ZNF791: variants seen among roughly 807,000 people sequenced by gnomAD.
ZNF791 encodes zinc finger protein 791.
ZNF791 carries 4 observed loss-of-function variants against 11.5 expected under a neutral mutation model. That is an observed-to-expected ratio of 0.35 (90% CI 0.17 to 0.80). The LOEUF (loss-of-function observed/expected upper bound fraction) is 0.80. Among genes scored for constraint, ZNF791 ranks in the 30% least tolerant of loss-of-function variants. The probability of loss-of-function intolerance (pLI) is 0.53; values close to 1 mark genes in which losing one functional copy is unlikely to be tolerated. For synonymous variants in ZNF791, 212 were observed against 228.1 expected, an observed-to-expected ratio of 0.93 and a Z score of 0.64; for missense variants, 559 against 699.4, an observed-to-expected ratio of 0.80 and a Z score of 2.26.
Position 12,628,645 on chromosome 19 carries a change from A to G in ZNF791, c.1116A>G (p.Arg372=). The change falls in exon 4 of 4, where the codon CGA becomes CGG. Residue 372 remains arginine, a synonymous_variant. Coordinates refer to ENST00000343325, the MANE Select transcript of ZNF791 (RefSeq NM_153358.3). ...CCTTTAGTAGAATCAGTTACTTTCGAATACATGAAAGGACTCACACTGGAG... is the reference window on the plus strand; with the variant it reads ...CCTTTAGTAGAATCAGTTACTTTCGGATACATGAAAGGACTCACACTGGAG... The part of the protein sequence containing the change: ...GKAFSRISYF[R]IHERTHTGEK... 6.2e-7 allele frequency: 1 copy of G among 1,605,730 alleles called. No individual in the cohort carries two copies. The highest frequency in any genetic ancestry group is 8.5e-7 in the Non-Finnish European group (1 of 1,176,648).
chr19:12,628,336 T>C lies in ZNF791; in HGVS notation c.807T>C (p.Asp269=), dbSNP rs753778005. Reference sequence around the variant, plus strand: ...CACACATGATAACACACAACGGAGATAGACCTTATAAATGCAAAGAATGTG... The same window carrying C: ...CACACATGATAACACACAACGGAGACAGACCTTATAAATGCAAAGAATGTG... ...VLTHMITHNG[D]RPYKCKECGK... Residue 269 remains aspartate (D), a synonymous_variant, in exon 4 of 4, where the codon GAT becomes GAC. Coordinates refer to ENST00000343325, the MANE Select transcript of ZNF791 (RefSeq NM_153358.3). The C allele has an allele frequency of 4.3e-6, 7 of 1,611,036 alleles. No individual in the cohort carries two copies. The highest frequency in any genetic ancestry group is 4.2e-6 in the Non-Finnish European group (5 of 1,178,888).
intron 1 of ZNF791, among the ~76,000 whole-genome samples, chr19:12,620,678 G>T (rs927068221): frequency 1.3e-5 from 2 of 150,376 alleles, no homozygotes; most frequent in Non-Finnish European, 3.0e-5. Flanking sequence ...GGAAATGAGA[G>T]AACCTGGGAC....
chr19:12,614,590 T>A (rs1403194552), intron 1 of ZNF791, among the ~76,000 whole-genome samples: 1 of 149,966 alleles, frequency 6.7e-6, no homozygotes, highest in Non-Finnish European at 1.5e-5. Context: ...GGAATATGTT[T>A]AACTTTTTTT....
rs917137699 is a variant in ZNF791, at chr19:12,629,862, CAAAAAAAAAAA to C, written c.*613_*623del. 1.8e-4 allele frequency: 10 copies of C among 56,846 alleles called. No individual in the cohort carries two copies. Among genetic ancestry groups the C allele is most frequent in the Admixed American group, 6.1e-4 (3 of 4,954 alleles). 3.5% of individuals were successfully genotyped at this position (56,846 alleles called of 1,614,324 possible). ...CGGCCAACAGAGCGAGACTCTGTCT[CAAAAAAAAAAA>C]AAAAAAAAAAGTACAACACAGCTGG... On this transcript the variant is annotated 3_prime_UTR_variant, in exon 4 of 4. Coordinates refer to ENST00000343325, the MANE Select transcript of ZNF791 (RefSeq NM_153358.3).
chr19:12,611,765 T>A (rs1861213366), intron 1 of ZNF791, among the ~76,000 whole-genome samples: 1 of 152,296 alleles, frequency 6.6e-6, no homozygotes, highest in African/African-American at 2.4e-5. Flanking sequence ...GGCACAGACA[T>A]CCTATGGGAA....
intron 1 of ZNF791, among the ~76,000 whole-genome samples, chr19:12,621,123 A>G (rs1474004666): frequency 1.3e-5 from 2 of 152,134 alleles, no homozygotes; most frequent in African/African-American, 4.8e-5. Flanking sequence ...CAAATTCACC[A>G]TCAGACCATT....
chr19:12,626,750 G>T (rs1234491396), intron 3 of ZNF791, among the ~76,000 whole-genome samples: 1 of 151,358 alleles, frequency 6.6e-6, no homozygotes. Flanking sequence ...GACTACAGGC[G>T]CCCACCACCA....
In ZNF791 at chr19:12,629,287, GAA is replaced by G. The variant is rs985623914; in HGVS notation, c.*29_*30del. 7.1e-7 allele frequency: 1 copy of G among 1,408,904 alleles called. No homozygotes were observed. The highest frequency in any genetic ancestry group is 9.3e-7 in the Non-Finnish European group (1 of 1,073,806). 87.3% of individuals were successfully genotyped at this position (1,408,904 alleles called of 1,614,324 possible). A position where few individuals can be genotyped will look rare whatever the true frequency, so the allele number is the denominator to read the frequency against. ...AACTCTATAAATGTGAGAAATAGGA[GAA>G]AGTTTTCAATTCTAACAGATGCTTT... On this transcript the variant is annotated 3_prime_UTR_variant, in exon 4 of 4. Transcript: ENST00000343325.
chr19:12,617,913 CTT>C lies in ZNF791; in HGVS notation c.4-5767_4-5766del, dbSNP rs958944041. ...GTGCCACATACAGGGCTAAATTTTG[CTT>C]TTTTTTTTTTTTTTTTTTTGAGACA... On this transcript the variant is annotated intron_variant, in intron 1 of 3. Coordinates refer to ENST00000343325, the MANE Select transcript of ZNF791 (RefSeq NM_153358.3). 1.9e-4 allele frequency among the ~76,000 whole-genome samples: 18 copies of C among 94,706 alleles called. 1 individual carries two copies. The highest frequency in any genetic ancestry group is 5.6e-4 in the African/African-American group (13 of 23,398). The allele number at this position is 94,706 out of a possible 152,430, so 62.1% of individuals were successfully genotyped here.
Position 12,623,741 on chromosome 19 carries a change from G to A in ZNF791, c.45G>A (p.Gln15=). The A allele has an allele frequency of 6.2e-7, 1 of 1,614,116 alleles. No homozygotes were observed. ...AGGATGTGTCTGTGAGCTTCAGCCA[G>A]GAGGAGTGGGCTCTGCTGGCTCCTT... The part of the protein sequence containing the change: ...AFEDVSVSFS[Q]EEWALLAPSQ... The change falls in exon 2 of 4, where the codon CAG becomes CAA. Residue 15 remains glutamine, a synonymous_variant. Coordinates refer to ENST00000343325, the MANE Select transcript of ZNF791 (RefSeq NM_153358.3).
At chr19:12,624,561 A>G (rs1245516511) in intron 2 of ZNF791, 89 bp from the exon 3 acceptor site, 1 of 976,298 alleles carries the variant, frequency 1.0e-6, no homozygotes, top group Non-Finnish European at 1.5e-6. Context: ...TAAACCAGGC[A>G]TGGTTACAGC....
intron 1 of ZNF791, among the ~76,000 whole-genome samples, chr19:12,619,218 A>G (rs1472907459): frequency 6.6e-6 from 1 of 151,978 alleles, no homozygotes; most frequent in Non-Finnish European, 1.5e-5. Context: ...TGGTGTTTAG[A>G]CTTTTTCACG....
chr19:12,618,883 C>G (rs1271132904), intron 1 of ZNF791, among the ~76,000 whole-genome samples: 1 of 150,588 alleles, frequency 6.6e-6, no homozygotes, highest in Non-Finnish European at 1.5e-5. Flanking sequence ...GAGTCTCACT[C>G]TGTTGCCAGG....
At chr19:12,620,333 G>C (rs62108380) in intron 1 of ZNF791, among the ~76,000 whole-genome samples, 3 of 151,966 alleles carry the variant, frequency 2.0e-5, no homozygotes, top group Admixed American at 2.0e-4. Context: ...GCACCACCAC[G>C]CCTGGCCAAG....
chr19:12,623,481 G>T, intron 1 of ZNF791: 1 of 526,586 alleles, frequency 1.9e-6, no homozygotes, highest in Non-Finnish European at 3.3e-6. Flanking sequence ...TTTCTAAGTT[G>T]AACTAGATAC....
intron 1 of ZNF791, among the ~76,000 whole-genome samples, chr19:12,622,550 G>A (rs992680020): frequency 4.0e-5 from 6 of 151,766 alleles, no homozygotes; most frequent in African/African-American, 9.7e-5. Context: ...TTGGGAGGCC[G>A]GGGCAGGAGG....
At position 12,630,141 on chromosome 19, in the gene ZNF791, C is replaced by T. The variant is rs1180339787; in HGVS notation, c.*881C>T. ...CGTGATGGCAGTCCAGCATGGGTGA[C>T]AGTGAGACTGTATCAAAAAAAAAAA... On this transcript the variant is annotated 3_prime_UTR_variant, in exon 4 of 4. Transcript: ENST00000343325. 7.1e-6 allele frequency: 1 copy of T among 139,936 alleles called. No individual in the cohort carries two copies. The highest frequency in any genetic ancestry group is 7.5e-5 in the Admixed American group (1 of 13,280). The allele number at this position is 139,936 out of a possible 1,614,324, so 8.7% of individuals were successfully genotyped here.
rs2023512581 is a variant in ZNF791 at position 12,632,444 on chromosome 19, T to TA, written c.*3185dup. On this transcript the variant is annotated 3_prime_UTR_variant, in exon 4 of 4. Coordinates refer to ENST00000343325, the MANE Select transcript of ZNF791 (RefSeq NM_153358.3). Reference sequence around the variant, plus strand: ...CTCATGTGGAAGGTGGTGCATATATTACCCATTATATATTTATTTCACCTT... The same window carrying TA: ...CTCATGTGGAAGGTGGTGCATATATTAACCCATTATATATTTATTTCACCTT... The TA allele has an allele frequency of 6.6e-6, 1 of 152,100 alleles. No homozygotes were observed. Among genetic ancestry groups the TA allele is most frequent in the African/African-American group, 2.4e-5 (1 of 41,426 alleles). The allele number at this position is 152,100 out of a possible 1,614,324, so 9.4% of individuals were successfully genotyped here. A position where few individuals can be genotyped will look rare whatever the true frequency, so the allele number is the denominator to read the frequency against.
intron 1 of ZNF791, 154 bp from the exon 2 acceptor site, chr19:12,623,546 G>C (rs2023383457): frequency 1.1e-6 from 1 of 903,816 alleles, no homozygotes; most frequent in African/African-American, 1.7e-5. Flanking sequence ...GTAGCTATAA[G>C]TTTATGTGTT....
Sources: gnomAD v4.1 joint callset for allele counts (sites outside exome capture counted in the v4.1 genomes callset) on GRCh38, gnomAD v4.1.1 for gene constraint, MANE v1.5 for transcripts, NCBI Gene and HGNC (gene_info 2026-07-23, HGNC 2026-07-21) for gene names.